GRTP1: variants seen among roughly 807,000 people sequenced by gnomAD.
GRTP1 encodes growth hormone-regulated TBC protein 1.
GRTP1 carries 56 observed loss-of-function variants against 38.1 expected under a neutral mutation model. The ratio of observed to expected loss-of-function variants is 1.47; its 90% CI spans 1.19 to 1.84. The LOEUF (loss-of-function observed/expected upper bound fraction) is 1.84, where lower values mean the gene tolerates loss of function less well. GRTP1 is among the 40% of genes most tolerant of loss of function. The probability of loss-of-function intolerance (pLI) is 0.00; values close to 1 mark genes in which losing one functional copy is unlikely to be tolerated. For missense variants in GRTP1, 506 were observed against 453.9 expected (o/e 1.11, Z -1.04); for synonymous variants, 217 against 189.5 (o/e 1.14, Z -1.19).
intron 5 of GRTP1, among the ~76,000 whole-genome samples, chr13:113,332,238 C>G (rs1283984199): frequency 6.6e-6 from 1 of 150,436 alleles, no homozygotes; most frequent in Non-Finnish European, 1.5e-5. Context: ...ACACCACACA[C>G]AGGTACACAC....
intron 3 of GRTP1, among the ~76,000 whole-genome samples, chr13:113,352,270 T>TA (rs2043285377): frequency 5.9e-5 from 2 of 33,936 alleles, no homozygotes; most frequent in Admixed American, 8.1e-4. Flanking sequence ...ATTTTTATAT[T>TA]TTTATATATA....
chr13:113,356,277 ATTT>A lies in GRTP1; in HGVS notation c.182-799_182-797del, dbSNP rs1429401135. 5.9e-5 allele frequency among the ~76,000 whole-genome samples: 9 copies of A among 151,672 alleles called. 1 individual carries two copies. In the South Asian group the frequency reaches 1.9e-3, roughly 32 times the overall value. ...TATATATTTTATTTTATTTTATTTT[ATTT>A]TTTTCGAGACGGAGTCTTGTTCTGT... On this transcript the variant is annotated intron_variant, in intron 2 of 7. Transcript: ENST00000375431.
rs113148185 is a variant in GRTP1, at chr13:113,350,644, G to A, written c.465+205C>T. On this transcript the variant is annotated intron_variant, in intron 4 of 7. Coordinates refer to ENST00000375431, the MANE Select transcript of GRTP1 (RefSeq NM_024719.4). ...TGTGTCCCGTGCTGATTCTCCTCCC[G>A]CCACCTGAGGCCGGAATGAGGTCGT... Among the ~76,000 whole-genome samples the A allele has an allele frequency of 2.3e-4, 35 of 152,116 alleles. No individual in the cohort carries two copies. In the East Asian group the frequency reaches 4.3e-3, roughly 19 times the overall value.
chr13:113,343,622 G>A lies in GRTP1; in HGVS notation c.562+1241C>T, dbSNP rs539793446. ...GTCAGGCCAGCACGCAAATTCTCCC[G>A]GCCTTCGGTGTCCTCACCCTGGAAA... On this transcript the variant is annotated intron_variant, in intron 5 of 7. Coordinates refer to ENST00000375431, the MANE Select transcript of GRTP1 (RefSeq NM_024719.4). This position sits in a 1 kb window ranked among gnomAD's most constrained non-coding sequence, Gnocchi z 4.8. 3.3e-5 allele frequency among the ~76,000 whole-genome samples: 5 copies of A among 152,186 alleles called. No homozygotes were observed. Among genetic ancestry groups the A allele is most frequent in the Non-Finnish European group, 7.3e-5 (5 of 68,032 alleles).
chr13:113,350,082 G>T (rs990666225), intron 4 of GRTP1, among the ~76,000 whole-genome samples: 1 of 152,060 alleles, frequency 6.6e-6, no homozygotes, highest in African/African-American at 2.4e-5. Flanking sequence ...GGAAACCCTC[G>T]TGGAGGCCAG....
intron 5 of GRTP1, among the ~76,000 whole-genome samples, chr13:113,344,114 A>G (rs564473987): frequency 6.6e-6 from 1 of 152,374 alleles, no homozygotes; most frequent in Admixed American, 6.5e-5. Context: ...AACCATGGAT[A>G]TATATAGCGC....
At chr13:113,330,300 C>A (rs80248376) in intron 5 of GRTP1, among the ~76,000 whole-genome samples, 1 of 44,872 alleles carries the variant, frequency 2.2e-5, no homozygotes. Context: ...AACTCAGGTG[C>A]GTGCATGGAG....
At chr13:113,359,147 A>C (rs1446111343) in intron 2 of GRTP1, among the ~76,000 whole-genome samples, 1 of 152,206 alleles carries the variant, frequency 6.6e-6, no homozygotes, top group African/African-American at 2.4e-5. Flanking sequence ...AAAGGCTACA[A>C]TCTGCATGAT....
Position 113,355,879 on chromosome 13 carries a change from T to G in GRTP1, c.182-398A>C, listed in dbSNP as rs540034481. The G allele has an allele frequency of 3.1e-5, 5 of 160,928 alleles. No homozygotes were observed. In the Admixed American group the frequency reaches 3.2e-4, roughly 10 times the overall value. 10.0% of individuals were successfully genotyped at this position (160,928 alleles called of 1,614,324 possible). ...TGGGCTCAGCTGTGAGCACCTCAGG[T>G]GGGACGCCACAGCTGGGAGAACACG... On this transcript the variant is annotated intron_variant, in intron 2 of 7. Coordinates refer to ENST00000375431, the MANE Select transcript of GRTP1 (RefSeq NM_024719.4).
chr13:113,330,103 G>T (rs1049497004), intron 5 of GRTP1, among the ~76,000 whole-genome samples: 7 of 151,084 alleles, frequency 4.6e-5, no homozygotes, highest in African/African-American at 1.5e-4. Context: ...CCGGGTGTGT[G>T]CATGGAAACC....
At chr13:113,352,552 G>T (rs1024494204) in intron 3 of GRTP1, among the ~76,000 whole-genome samples, 1 of 151,370 alleles carries the variant, frequency 6.6e-6, no homozygotes, top group Non-Finnish European at 1.5e-5. Flanking sequence ...TTTACGTATT[G>T]TTTTGTAAAG....
chr13:113,326,586 G>A (rs1484345649), intron 5 of GRTP1, among the ~76,000 whole-genome samples: 2 of 152,022 alleles, frequency 1.3e-5, no homozygotes, highest in East Asian at 1.9e-4. Context: ...CAGGAGAATC[G>A]CTTGAACCTG....
At chr13:113,335,431 C>CA (rs1351504313) in intron 5 of GRTP1, among the ~76,000 whole-genome samples, 4 of 59,988 alleles carry the variant, frequency 6.7e-5, no homozygotes, top group Non-Finnish European at 9.9e-5. Context: ...TCACAAAAAA[C>CA]AAAAAACAAA....
rs1398881159 is a variant in GRTP1 at position 113,349,336 on chromosome 13, G to A, written c.465+1513C>T. Reference sequence around the variant, plus strand: ...CTCGAGCAGCCGGGACCACAGGCGTGTGCCACCACACCCCGCTAATTTTTA... The same window carrying A: ...CTCGAGCAGCCGGGACCACAGGCGTATGCCACCACACCCCGCTAATTTTTA... On this transcript the variant is annotated intron_variant, in intron 4 of 7. Transcript: ENST00000375431. The surrounding 1 kb of genome is among the most constrained non-coding windows in gnomAD (Gnocchi z 5.0). Among the ~76,000 whole-genome samples, 4 of 152,014 alleles carry A rather than the reference G, an allele frequency of 2.6e-5. No homozygotes were observed. Among genetic ancestry groups the A allele is most frequent in the Admixed American group, 6.6e-5 (1 of 15,256 alleles).
chr13:113,345,987 CGA>C (rs1291943432), intron 4 of GRTP1, among the ~76,000 whole-genome samples: 14 of 149,210 alleles, frequency 9.4e-5, no homozygotes, highest in African/African-American at 3.5e-4. Flanking sequence ...CTTTTGTGGC[CGA>C]GAGTGGACCC....
chr13:113,324,232 A>G lies in GRTP1; in HGVS notation c.*256T>C. The G allele has an allele frequency of 2.3e-6, 1 of 437,984 alleles. No individual in the cohort carries two copies. The highest frequency in any genetic ancestry group is 3.9e-6 in the Non-Finnish European group (1 of 258,686). 27.1% of individuals were successfully genotyped at this position (437,984 alleles called of 1,614,324 possible). A position where few individuals can be genotyped will look rare whatever the true frequency, so the allele number is the denominator to read the frequency against. On this transcript the variant is annotated 3_prime_UTR_variant, in exon 8 of 8. Transcript: ENST00000375431. ...GGCATACTTTATTAGATACAAACCC[A>G]CACTCACATTTTATATATTATTGAT... is the stretch of plus-strand genomic sequence containing the variant.
At chr13:113,363,728 G>C (rs1310555522) in intron 2 of GRTP1, 34 bp downstream of exon 2, 6 of 1,585,728 alleles carry the variant, frequency 3.8e-6, no homozygotes, top group Non-Finnish European at 5.1e-6. Context: ...ACCCACCTGC[G>C]CCCTCGGGAC....
chr13:113,359,779 C>T (rs2043462177), intron 2 of GRTP1: 2 of 152,116 alleles, frequency 1.3e-5, no homozygotes, highest in South Asian at 4.1e-4. Context: ...GAGCAACACC[C>T]GGAAGCTTCA....
Position 113,363,715 on chromosome 13 carries a change from C to G in GRTP1, c.181+47G>C, listed in dbSNP as rs1409672534. 9 of 1,412,872 alleles carry G rather than the reference C, an allele frequency of 6.4e-6. No homozygotes were observed. In the Admixed American group the frequency reaches 9.5e-5, roughly 15 times the overall value. The allele number at this position is 1,412,872 out of a possible 1,614,324, so 87.5% of individuals were successfully genotyped here. A position where few individuals can be genotyped will look rare whatever the true frequency, so the allele number is the denominator to read the frequency against. On this transcript the variant is annotated intron_variant, in intron 2 of 7. Transcript: ENST00000375431. Reference sequence around the variant, plus strand: ...CGGACTTTGCCCGGCCCGTCCCAGCCCAACCCACCTGCGCCCTCGGGACCC... The same window carrying G: ...CGGACTTTGCCCGGCCCGTCCCAGCGCAACCCACCTGCGCCCTCGGGACCC...
Sources: gnomAD v4.1 joint callset for allele counts (sites outside exome capture counted in the v4.1 genomes callset) on GRCh38, gnomAD v4.1.1 for gene constraint, Gnocchi (gnomAD v3.1) non-coding constraint, MANE v1.5 for transcripts, NCBI Gene and HGNC (gene_info 2026-07-23, HGNC 2026-07-21) for gene names.